Variants in ARRB1 observed in about 807,000 individuals in gnomAD.
ARRB1 encodes beta-arrestin-1.
A neutral mutation model predicts 56.8 loss-of-function variants in ARRB1; 21 were observed. The observed-to-expected ratio is 0.37, with a 90% confidence interval of 0.26 to 0.53. The LOEUF is 0.53. Ranked by LOEUF, ARRB1 falls within the 20% of genes least tolerant of loss-of-function variation. ARRB1 has a pLI of 0.88. For synonymous variants in ARRB1, 210 were observed against 218.6 expected, an observed-to-expected ratio of 0.96 and a Z score of 0.35; for missense variants, 424 against 553.7, an observed-to-expected ratio of 0.77 and a Z score of 2.35.
At chr11:75,305,416 T>C (rs1473402935) in intron 1 of ARRB1, among the ~76,000 whole-genome samples, 1 of 152,150 alleles carries the variant, frequency 6.6e-6, no homozygotes, top group African/African-American at 2.4e-5. Flanking sequence ...CTCAAGGGTA[T>C]TTATGCCTAC....
intron 1 of ARRB1, among the ~76,000 whole-genome samples, chr11:75,318,522 T>C (rs1947299175): frequency 6.6e-6 from 1 of 152,074 alleles, no homozygotes; most frequent in Non-Finnish European, 1.5e-5. Flanking sequence ...AAACCCCATC[T>C]CTACTAAAAA....
chr11:75,335,701 G>A (rs764611050), intron 1 of ARRB1, among the ~76,000 whole-genome samples: 4 of 152,332 alleles, frequency 2.6e-5, no homozygotes, highest in Non-Finnish European at 4.4e-5. Flanking sequence ...ACAACCCCAA[G>A]AGGAGCCTTC....
At chr11:75,278,586 C>G in intron 8 of ARRB1, 23 bp downstream of exon 8, 2 of 1,613,700 alleles carry the variant, frequency 1.2e-6, no homozygotes, top group African/African-American at 1.3e-5. Context: ...GCCCCCACCC[C>G]CTGCCAAGTC....
At chr11:75,295,160 T>A (rs1844016679) in intron 1 of ARRB1, among the ~76,000 whole-genome samples, 1 of 144,894 alleles carries the variant, frequency 6.9e-6, no homozygotes, top group Admixed American at 7.2e-5. Flanking sequence ...AGGTGGAGGT[T>A]GCAGTGAGTC....
intron 1 of ARRB1, among the ~76,000 whole-genome samples, chr11:75,344,746 A>G (rs1947740437): frequency 1.3e-5 from 2 of 152,174 alleles, no homozygotes; most frequent in African/African-American, 4.8e-5. Context: ...TGTGGGAGAC[A>G]AGGCCCCAAC....
chr11:75,285,980 G>C (rs2140431133), intron 3 of ARRB1, among the ~76,000 whole-genome samples: 1 of 152,330 alleles, frequency 6.6e-6, no homozygotes, highest in South Asian at 2.1e-4. Flanking sequence ...ATGGCAAAGG[G>C]ACACTGAGCT....
chr11:75,293,964 C>T (rs1352135249), intron 1 of ARRB1, among the ~76,000 whole-genome samples: 1 of 152,180 alleles, frequency 6.6e-6, no homozygotes, highest in Non-Finnish European at 1.5e-5. Flanking sequence ...TTTTCTCCTC[C>T]TCCATCCTTT....
At chr11:75,312,109 A>T in intron 1 of ARRB1, 1 of 1,289,224 alleles carries the variant, frequency 7.8e-7, no homozygotes, top group Non-Finnish European at 1.0e-6. Context: ...CTCCTCTCCC[A>T]TCTCTTGCAG....
chr11:75,262,044 C>T lies in ARRB1; in HGVS notation c.*4119G>A, dbSNP rs1945804144. On this transcript the variant is annotated 3_prime_UTR_variant, in exon 16 of 16. Transcript: ENST00000420843. The stretch of plus-strand genomic sequence containing the variant: ...GTGGCTCGGCTCTCAGGACAAAAGG[C>T]TTGGGTTTTTCCTGGGCCCGAAGCC... 1 of 152,202 alleles carries T rather than the reference C, an allele frequency of 6.6e-6. No individual in the cohort carries two copies. Among genetic ancestry groups the T allele is most frequent in the South Asian group, 2.1e-4 (1 of 4,832 alleles). 9.4% of individuals were successfully genotyped at this position (152,202 alleles called of 1,614,324 possible). A position where few individuals can be genotyped will look rare whatever the true frequency, so the allele number is the denominator to read the frequency against.
chr11:75,275,157 A>T (rs1446353485), intron 10 of ARRB1, among the ~76,000 whole-genome samples: 1 of 150,626 alleles, frequency 6.6e-6, no homozygotes, highest in African/African-American at 2.4e-5. Context: ...ATTTTATTTT[A>T]TTTTTTTGAG....
intron 2 of ARRB1, 57 bp from the exon 3 acceptor site, chr11:75,287,432 C>A (rs990877643): frequency 2.6e-6 from 4 of 1,532,614 alleles, no homozygotes; most frequent in Non-Finnish European, 3.5e-6. Flanking sequence ...GACACAGGAC[C>A]CTGTCTTGGA....
intron 1 of ARRB1, among the ~76,000 whole-genome samples, chr11:75,328,182 G>A (rs574654182): frequency 1.3e-5 from 2 of 152,220 alleles, no homozygotes; most frequent in East Asian, 3.9e-4. Context: ...TTTCATACAA[G>A]TTGACTCATA....
chr11:75,341,214 T>C (rs940226170), intron 1 of ARRB1, among the ~76,000 whole-genome samples: 22 of 152,134 alleles, frequency 1.4e-4, no homozygotes, highest in Admixed American at 1.4e-3. Flanking sequence ...CTCAGCTCAC[T>C]GCAACCTTCA....
chr11:75,295,648 T>A (rs981015460), intron 1 of ARRB1, among the ~76,000 whole-genome samples: 1 of 152,190 alleles, frequency 6.6e-6, no homozygotes, highest in Non-Finnish European at 1.5e-5. Context: ...CATATCCTAT[T>A]CACAGGTTCC....
chr11:75,333,816 G>C (rs1038085303), intron 1 of ARRB1, among the ~76,000 whole-genome samples: 1 of 152,192 alleles, frequency 6.6e-6, no homozygotes, highest in African/African-American at 2.4e-5. Flanking sequence ...CTGTCTTAGG[G>C]AAGCACAGAA....
At chr11:75,291,737 T>C (rs1173207184) in intron 1 of ARRB1, among the ~76,000 whole-genome samples, 1 of 151,928 alleles carries the variant, frequency 6.6e-6, no homozygotes, top group Non-Finnish European at 1.5e-5. Flanking sequence ...GAGGGGAGGA[T>C]AGGGACACAG....
intron 1 of ARRB1, among the ~76,000 whole-genome samples, chr11:75,346,993 G>A (rs1003989267): frequency 6.6e-6 from 1 of 152,222 alleles, no homozygotes; most frequent in Non-Finnish European, 1.5e-5. Flanking sequence ...TGGCAGTAGC[G>A]GAGCATGGCT....
intron 1 of ARRB1, among the ~76,000 whole-genome samples, chr11:75,299,849 A>C (rs1477910726): frequency 6.6e-5 from 10 of 152,176 alleles, no homozygotes; most frequent in Non-Finnish European, 1.3e-4. Flanking sequence ...TAAATATAGG[A>C]TGACTATGGT....
rs145170465 is a variant in ARRB1, at chr11:75,267,916, T to C, written c.1094-213A>G. Among the ~76,000 whole-genome samples the C allele has an allele frequency of 1.4e-4, 22 of 152,212 alleles. No homozygotes were observed. In the East Asian group the frequency reaches 3.5e-3, roughly 24 times the overall value. On this transcript the variant is annotated intron_variant, in intron 14 of 15. Coordinates refer to ENST00000420843, the MANE Select transcript of ARRB1 (RefSeq NM_004041.5). The stretch of plus-strand genomic sequence containing the variant: ...AGGATGGCACCAGGAGGGCCCCGGA[T>C]CCCCACTGCAGCCCCAGAAGAACAG...
Sources: gnomAD v4.1 joint callset for allele counts (sites outside exome capture counted in the v4.1 genomes callset) on GRCh38, gnomAD v4.1.1 for gene constraint, MANE v1.5 for transcripts, NCBI Gene and HGNC (gene_info 2026-07-23, HGNC 2026-07-21) for gene names.